HS3ST4: variants seen among roughly 807,000 people sequenced by gnomAD.
HS3ST4 encodes heparan sulfate-glucosamine 3-sulfotransferase 4.
Under a neutral mutation model 29.2 loss-of-function variants are expected in HS3ST4, and 17 were observed. The ratio of observed to expected loss-of-function variants is 0.58; its 90% CI spans 0.40 to 0.87. HS3ST4 has a LOEUF of 0.87. Among genes scored for constraint, HS3ST4 ranks in the 40% least tolerant of loss-of-function variants. The pLI, the probability that HS3ST4 is intolerant of heterozygous loss-of-function variation, is 0.00. For synonymous variants in HS3ST4, 314 were observed against 285.7 expected (o/e 1.10, Z -1.00); for missense variants, 627 against 634.5 (o/e 0.99, Z 0.13).
At chr16:25,913,902 A>G (rs1355504613) in intron 1 of HS3ST4, among the ~76,000 whole-genome samples, 1 of 139,618 alleles carries the variant, frequency 7.2e-6, no homozygotes, top group Non-Finnish European at 1.5e-5. Context: ...TGTGGAGTGT[A>G]TGTGTGTGCA....
chr16:26,125,614 C>T (rs981591259), intron 1 of HS3ST4, among the ~76,000 whole-genome samples: 3 of 152,246 alleles, frequency 2.0e-5, no homozygotes, highest in East Asian at 1.9e-4. Context: ...TCTCTCTTCA[C>T]GTTATACCCA....
chr16:25,985,213 A>G (rs1969049557), intron 1 of HS3ST4, among the ~76,000 whole-genome samples: 1 of 152,194 alleles, frequency 6.6e-6, no homozygotes, highest in African/African-American at 2.4e-5. Context: ...GACACCTGAC[A>G]CATGAAAATA....
chr16:25,993,949 CGTGTGTGTGTGTGTGTGTGTGTGT>C (rs56226178), intron 1 of HS3ST4, among the ~76,000 whole-genome samples: 147 of 121,320 alleles, frequency 1.2e-3, no homozygotes, highest in East Asian at 9.4e-3. Flanking sequence ...CACATAACCT[CGTGTGTGTGTGTGTGTGTGTGTGT>C]GTGTGTGTGT....
intron 1 of HS3ST4, among the ~76,000 whole-genome samples, chr16:26,002,505 C>T (rs1969220434): frequency 6.6e-6 from 1 of 152,040 alleles, no homozygotes; most frequent in African/African-American, 2.4e-5. Flanking sequence ...TCCTTGCTGA[C>T]TGGAAATCTG....
At chr16:25,696,213 C>A (rs1450041478) in intron 1 of HS3ST4, among the ~76,000 whole-genome samples, 1 of 152,180 alleles carries the variant, frequency 6.6e-6, no homozygotes, top group Non-Finnish European at 1.5e-5. Flanking sequence ...TGAGATTAAA[C>A]CCTCCATGCC....
At chr16:25,981,269 G>A (rs996890705) in intron 1 of HS3ST4, among the ~76,000 whole-genome samples, 4 of 152,114 alleles carry the variant, frequency 2.6e-5, no homozygotes, top group Admixed American at 6.5e-5. Context: ...CCCAGGAGGC[G>A]GAGGTTGCAG....
At chr16:25,943,677 C>T (rs1197966522) in intron 1 of HS3ST4, among the ~76,000 whole-genome samples, 1 of 152,126 alleles carries the variant, frequency 6.6e-6, no homozygotes, top group African/African-American at 2.4e-5. Flanking sequence ...CCATTTTTAG[C>T]TCTGTTATCA....
chr16:25,970,947 T>C (rs1172149267), intron 1 of HS3ST4, among the ~76,000 whole-genome samples: 4 of 152,032 alleles, frequency 2.6e-5, no homozygotes, highest in Non-Finnish European at 5.9e-5. Flanking sequence ...GCCTCCTGGG[T>C]TCCAGTGATT....
intron 1 of HS3ST4, among the ~76,000 whole-genome samples, chr16:25,914,202 G>C (rs768185792): frequency 1.3e-4 from 19 of 150,040 alleles, no homozygotes; most frequent in South Asian, 4.2e-4. Flanking sequence ...TGGAGTGTGT[G>C]TGTGTAGGGT....
At chr16:26,086,601 G>A (rs932393650) in intron 1 of HS3ST4, among the ~76,000 whole-genome samples, 4 of 151,818 alleles carry the variant, frequency 2.6e-5, no homozygotes, top group Admixed American at 6.6e-5. Flanking sequence ...CGCCTGCCTC[G>A]GCCTCCCAAA....
chr16:26,043,873 C>G (rs541428183), intron 1 of HS3ST4, among the ~76,000 whole-genome samples: 4 of 152,276 alleles, frequency 2.6e-5, no homozygotes, highest in African/African-American at 9.6e-5. Flanking sequence ...TCTGCCTCCC[C>G]CTCTTCATTC....
rs28402291 is a variant in HS3ST4 at position 26,014,390 on chromosome 16, T to C, written c.735-121222T>C. 1.0e-3 allele frequency among the ~76,000 whole-genome samples: 159 copies of C among 152,336 alleles called. 1 individual carries two copies. Among genetic ancestry groups the C allele is most frequent in the African/African-American group, 3.7e-3 (153 of 41,578 alleles). The stretch of plus-strand genomic sequence containing the variant: ...TCAAGGTACATGTGCAGGTTTGTTA[T>C]ATAGGTAAATTGAGTGTTAGGAGGT... On this transcript the variant is annotated intron_variant, in intron 1 of 1. Transcript: ENST00000331351.
At chr16:26,059,906 T>C (rs1369272302) in intron 1 of HS3ST4, among the ~76,000 whole-genome samples, 1 of 152,066 alleles carries the variant, frequency 6.6e-6, no homozygotes, top group Non-Finnish European at 1.5e-5. Flanking sequence ...CCCTCCTGAG[T>C]AGCTGGGATT....
chr16:25,775,467 C>T (rs1377088465), intron 1 of HS3ST4, among the ~76,000 whole-genome samples: 3 of 152,134 alleles, frequency 2.0e-5, no homozygotes, highest in South Asian at 2.1e-4. Flanking sequence ...CTTGTTGGCC[C>T]GTTAAGTACA....
chr16:25,699,746 G>T (rs1966322248), intron 1 of HS3ST4, among the ~76,000 whole-genome samples: 1 of 152,202 alleles, frequency 6.6e-6, no homozygotes, highest in African/African-American at 2.4e-5. Flanking sequence ...ATGGTTTGGA[G>T]CATGTTTTGT....
At chr16:26,107,373 T>C (rs1365067331) in intron 1 of HS3ST4, among the ~76,000 whole-genome samples, 2 of 150,326 alleles carry the variant, frequency 1.3e-5, no homozygotes, top group Non-Finnish European at 1.5e-5. Context: ...CACACACATA[T>C]GCACACACAC....
intron 1 of HS3ST4, among the ~76,000 whole-genome samples, chr16:25,904,383 C>T (rs1262925160): frequency 6.6e-6 from 1 of 152,190 alleles, no homozygotes; most frequent in Non-Finnish European, 1.5e-5. Flanking sequence ...ATTTCCATAT[C>T]CTTCATCTTG....
intron 1 of HS3ST4, among the ~76,000 whole-genome samples, chr16:26,075,054 G>A (rs779113824): frequency 1.3e-5 from 2 of 152,270 alleles, no homozygotes; most frequent in East Asian, 3.9e-4. Context: ...TTAGCTGGGC[G>A]TGGTGGTACG....
intron 1 of HS3ST4, among the ~76,000 whole-genome samples, chr16:26,000,946 A>G (rs1295466160): frequency 6.6e-6 from 1 of 152,196 alleles, no homozygotes; most frequent in African/African-American, 2.4e-5. Context: ...CAAAAATGTC[A>G]AAGTCATAAA....
Sources: gnomAD v4.1 joint callset for allele counts (sites outside exome capture counted in the v4.1 genomes callset) on GRCh38, gnomAD v4.1.1 for gene constraint, MANE v1.5 for transcripts, NCBI Gene and HGNC (gene_info 2026-07-23, HGNC 2026-07-21) for gene names.